NRCAM: variants seen among roughly 807,000 people sequenced by gnomAD.
NRCAM encodes the protein neuronal cell adhesion molecule.
A neutral mutation model predicts 156.5 loss-of-function variants in NRCAM; 83 were observed. That is an observed-to-expected ratio of 0.53 (90% confidence interval 0.44 to 0.64). The LOEUF (loss-of-function observed/expected upper bound fraction) is 0.64. Ranked by LOEUF, NRCAM falls within the 30% of genes least tolerant of loss-of-function variation. NRCAM has a pLI of 0.00. For missense variants in NRCAM, 1,417 were observed against 1,597.3 expected (o/e 0.89, Z 1.92); for synonymous variants, 538 against 563.9 (o/e 0.95, Z 0.65).
At chr7:108,216,209 T>C (rs972819842) in intron 11 of NRCAM, among the ~76,000 whole-genome samples, 2 of 152,212 alleles carry the variant, frequency 1.3e-5, no homozygotes, top group South Asian at 2.1e-4. Flanking sequence ...GGGTTGAAAA[T>C]TCTTTTCTTT....
chr7:108,231,229 A>T (rs1418868162), intron 7 of NRCAM, 76 bp from the exon 8 acceptor site: 1 of 1,065,890 alleles, frequency 9.4e-7, no homozygotes, highest in Non-Finnish European at 1.3e-6. Context: ...AAATAAAGGC[A>T]AACTGAAGTT....
At chr7:108,370,745 C>A (rs1424903077) in intron 2 of NRCAM, among the ~76,000 whole-genome samples, 2 of 152,056 alleles carry the variant, frequency 1.3e-5, no homozygotes. Context: ...ATTATATATA[C>A]AAGTTAAAGC....
chr7:108,338,559 AG>A (rs2099234087), intron 2 of NRCAM, among the ~76,000 whole-genome samples: 1 of 150,190 alleles, frequency 6.7e-6, no homozygotes, highest in African/African-American at 2.5e-5. Context: ...AGTGAGAGAG[AG>A]AGAGACAGAG....
chr7:108,413,946 T>C (rs184434645), intron 1 of NRCAM, among the ~76,000 whole-genome samples: 23 of 152,146 alleles, frequency 1.5e-4, no homozygotes, highest in Non-Finnish European at 2.8e-4. Flanking sequence ...GCCTCTGTCA[T>C]GTCCACACTG....
At chr7:108,282,546 A>G (rs1388868540) in intron 3 of NRCAM, among the ~76,000 whole-genome samples, 1 of 152,210 alleles carries the variant, frequency 6.6e-6, no homozygotes, top group Non-Finnish European at 1.5e-5. Flanking sequence ...GTGTAAAATC[A>G]AATGTATTTT....
At chr7:108,153,654 A>G (rs1487206176) in intron 32 of NRCAM, among the ~76,000 whole-genome samples, 11 of 152,180 alleles carry the variant, frequency 7.2e-5, no homozygotes, top group African/African-American at 2.2e-4. Context: ...AGCTATCATT[A>G]TTCATAACTG....
At chr7:108,242,658 A>G (rs371398432) in intron 3 of NRCAM, among the ~76,000 whole-genome samples, 1 of 152,216 alleles carries the variant, frequency 6.6e-6, no homozygotes, top group South Asian at 2.1e-4. Context: ...ATAAAACAAA[A>G]GAACCAAACT....
intron 3 of NRCAM, among the ~76,000 whole-genome samples, chr7:108,300,261 C>T (rs554935362): frequency 1.8e-4 from 24 of 135,300 alleles, no homozygotes; most frequent in East Asian, 2.3e-4. Flanking sequence ...TTTGATTATT[C>T]GCAATTGTTA....
At chr7:108,340,280 G>A (rs145288652) in intron 2 of NRCAM, among the ~76,000 whole-genome samples, 8,673 of 152,258 alleles carry the variant, frequency 0.057, 242 homozygotes, top group Middle Eastern at 0.092. Flanking sequence ...AGTGGGAGGA[G>A]GAGAATTCGG....
chr7:108,202,594 A>G (rs1202677926), intron 13 of NRCAM, among the ~76,000 whole-genome samples: 2 of 152,164 alleles, frequency 1.3e-5, no homozygotes, highest in Non-Finnish European at 2.9e-5. Flanking sequence ...TTCCCTCTTC[A>G]TTTACTTATT....
chr7:108,379,741 A>AT (rs1247218219), intron 2 of NRCAM, among the ~76,000 whole-genome samples: 6 of 152,192 alleles, frequency 3.9e-5, no homozygotes, highest in African/African-American at 1.4e-4. Flanking sequence ...TACTTTACAA[A>AT]TTTTTTTAAC....
At chr7:108,177,653 A>G (rs1276892237) in intron 26 of NRCAM, among the ~76,000 whole-genome samples, 2 of 16,416 alleles carry the variant, frequency 1.2e-4, no homozygotes, top group Non-Finnish European at 4.8e-4. Flanking sequence ...ATATATATAT[A>G]TATATATGTA....
chr7:108,451,392 A>G (rs1027096452), intron 1 of NRCAM, among the ~76,000 whole-genome samples: 1 of 150,420 alleles, frequency 6.6e-6, no homozygotes, highest in African/African-American at 2.5e-5. Flanking sequence ...TACTATGGAA[A>G]AGAGTATAAC....
intron 3 of NRCAM, among the ~76,000 whole-genome samples, chr7:108,249,496 G>A (rs2096200757): frequency 6.6e-6 from 1 of 152,168 alleles, no homozygotes; most frequent in Admixed American, 6.5e-5. Flanking sequence ...TACAGGCTAT[G>A]TGAATATCTG....
At chr7:108,259,979 T>G (rs2096832044) in intron 3 of NRCAM, among the ~76,000 whole-genome samples, 1 of 152,228 alleles carries the variant, frequency 6.6e-6, no homozygotes, top group Admixed American at 6.5e-5. Context: ...ATCCTTCACA[T>G]GTACCGCAGA....
chr7:108,165,953 T>C (rs979420688), intron 30 of NRCAM, among the ~76,000 whole-genome samples: 2 of 152,250 alleles, frequency 1.3e-5, no homozygotes, highest in African/African-American at 4.8e-5. Context: ...GAAATGTAAG[T>C]AAGCAGGGAT....
At chr7:108,453,668 G>C (rs1853146069) in intron 1 of NRCAM, among the ~76,000 whole-genome samples, 1 of 152,122 alleles carries the variant, frequency 6.6e-6, no homozygotes, top group Non-Finnish European at 1.5e-5. Flanking sequence ...CAACTTTCCT[G>C]TAATAAAGTA....
intron 2 of NRCAM, among the ~76,000 whole-genome samples, chr7:108,313,801 TA>T (rs905678503): frequency 2.6e-5 from 4 of 151,932 alleles, no homozygotes; most frequent in African/African-American, 7.3e-5. Context: ...TTTCACTTTT[TA>T]AAAAAAACCC....
intron 1 of NRCAM, among the ~76,000 whole-genome samples, chr7:108,439,831 A>AC (rs1342100034): frequency 8.2e-6 from 1 of 121,704 alleles, no homozygotes; most frequent in Non-Finnish European, 1.7e-5. Context: ...AGACTCCGTC[A>AC]CAAAAAAAAA....
Sources: allele counts gnomAD v4.1 joint callset (sites outside exome capture counted in the v4.1 genomes callset), GRCh38; gene constraint gnomAD v4.1.1; transcripts MANE v1.5; gene names NCBI Gene and HGNC (gene_info 2026-07-23, HGNC 2026-07-21).